Variants in ACOT11 observed in about 807,000 individuals in gnomAD.
ACOT11 encodes the protein acyl-CoA thioesterase 11, also known as acyl-coenzyme A thioesterase 11.
Under a neutral mutation model 77.5 loss-of-function variants are expected in ACOT11, and 69 were observed. That is an observed-to-expected ratio of 0.89 (90% CI 0.73 to 1.09). The LOEUF is 1.09. ACOT11 is among the 50% of genes least tolerant of loss of function. The probability of loss-of-function intolerance (pLI) is 0.00; values close to 1 mark genes in which losing one functional copy is unlikely to be tolerated. For missense variants in ACOT11, 766 were observed against 813.7 expected, an observed-to-expected ratio of 0.94 and a Z score of 0.71; for synonymous variants, 279 against 313.0, an observed-to-expected ratio of 0.89 and a Z score of 1.15.
intron 1 of ACOT11, among the ~76,000 whole-genome samples, chr1:54,577,225 C>T (rs1654146496): frequency 6.6e-6 from 1 of 152,084 alleles, no homozygotes; most frequent in African/African-American, 2.4e-5. Flanking sequence ...GTTGTACAAC[C>T]ACCACCTCTG....
At chr1:54,624,193 C>A (rs1644257576) in intron 15 of ACOT11, among the ~76,000 whole-genome samples, 1 of 152,004 alleles carries the variant, frequency 6.6e-6, no homozygotes, top group Admixed American at 6.6e-5. Flanking sequence ...CCAGGAATCA[C>A]CTGTAATGTG....
intron 1 of ACOT11, among the ~76,000 whole-genome samples, chr1:54,571,621 T>C (rs1653932437): frequency 6.6e-6 from 1 of 152,196 alleles, no homozygotes; most frequent in African/African-American, 2.4e-5. Context: ...CTGCAACACC[T>C]GCAGTGTAAG....
chr1:54,610,338 G>C, downstream of ACOT11: 3 of 1,567,532 alleles, frequency 1.9e-6, no homozygotes, highest in Non-Finnish European at 2.6e-6. Flanking sequence ...AACAGAGACC[G>C]GCGGTACCTG....
At chr1:54,581,951 G>A (rs942588000) in intron 1 of ACOT11, among the ~76,000 whole-genome samples, 1 of 152,148 alleles carries the variant, frequency 6.6e-6, no homozygotes, top group Admixed American at 6.5e-5. Context: ...GGAAGGAGTG[G>A]AGTCTGAAAG....
chr1:54,618,034 C>T lies in ACOT11; in HGVS notation c.1629+9966C>T, dbSNP rs560203082. Among the ~76,000 whole-genome samples the T allele has an allele frequency of 2.0e-5, 3 of 151,740 alleles. No homozygotes were observed. The South Asian group carries it at 6.3e-4, about 32-fold the overall frequency. The stretch of plus-strand genomic sequence containing the variant: ...GAGCCACCAGGCCTGGCCCGAGATT[C>T]TGCATTTTTAACACACTCCCCAGGG... On this transcript the variant is annotated intron_variant, in intron 15 of 16. Transcript: ENST00000371316.
At chr1:54,558,000 C>CT (rs1200611236) in intron 1 of ACOT11, among the ~76,000 whole-genome samples, 1 of 152,184 alleles carries the variant, frequency 6.6e-6, no homozygotes, top group Non-Finnish European at 1.5e-5. Context: ...GTGGAGGACT[C>CT]TTTTTCATCT....
At chr1:54,573,918 A>T (rs952433391) in intron 1 of ACOT11, among the ~76,000 whole-genome samples, 3 of 151,566 alleles carry the variant, frequency 2.0e-5, no homozygotes, top group African/African-American at 7.3e-5. Flanking sequence ...AATCCCAGCT[A>T]CTCAGGAGGC....
intron 15 of ACOT11, chr1:54,623,699 C>G (rs185346464): frequency 8.1e-5 from 21 of 258,764 alleles, no homozygotes; most frequent in Admixed American, 9.9e-5. Context: ...GACCGAGCCC[C>G]GACCCCTGGC....
intron 1 of ACOT11, among the ~76,000 whole-genome samples, chr1:54,566,454 C>CAAA (rs34312735): frequency 2.1e-5 from 2 of 94,664 alleles, no homozygotes; most frequent in Non-Finnish European, 2.7e-5. Flanking sequence ...AAGACTGTCT[C>CAAA]AAAAAAAAAA....
intron 1 of ACOT11, among the ~76,000 whole-genome samples, chr1:54,554,347 ATATATT>A (rs1653182820): frequency 3.0e-5 from 3 of 98,384 alleles, no homozygotes; most frequent in Non-Finnish European, 6.6e-5. Context: ...ATATATATAT[ATATATT>A]TTTTTTTTTT....
At chr1:54,555,208 C>T (rs1177286957) in intron 1 of ACOT11, among the ~76,000 whole-genome samples, 1 of 152,240 alleles carries the variant, frequency 6.6e-6, no homozygotes, top group African/African-American at 2.4e-5. Context: ...ATCCACCTGC[C>T]TTGGCCTCCC....
In ACOT11 at chr1:54,602,721, A is replaced by G. The variant is rs1643979054; in HGVS notation, c.1082A>G (p.Asp361Gly). ...EASARKKIRLDRKYIVSCKQT... is the reference protein window; with the variant it reads ...EASARKKIRLGRKYIVSCKQT... ...AGTGCCAGAAAGAAGATCCGCCTGG[A>G]CAGGTGAGTAGGGGCTGAGTGGTGG... The change falls in exon 10 of 16, where the codon GAC becomes GGC. Residue 361 changes from aspartate to glycine, a missense_variant. Transcript: ENST00000343744. 2 of 1,548,722 alleles carry G rather than the reference A, an allele frequency of 1.3e-6. No homozygotes were observed. Among genetic ancestry groups the G allele is most frequent in the Non-Finnish European group, 1.7e-6 (2 of 1,148,102 alleles).
intron 15 of ACOT11, among the ~76,000 whole-genome samples, chr1:54,630,447 G>A (rs76461171): frequency 6.6e-6 from 1 of 152,216 alleles, no homozygotes; most frequent in African/African-American, 2.4e-5. Flanking sequence ...GGCCCGCCCA[G>A]GGTGGAAAAC....
In ACOT11 at chr1:54,609,060, A is replaced by G. The variant is rs1412724923; in HGVS notation, c.1733A>G (p.Gln578Arg). 1 of 1,614,130 alleles carries G rather than the reference A, an allele frequency of 6.2e-7. No homozygotes were observed. The change falls in exon 16 of 16, where the codon CAG becomes CGG. Residue 578 changes from glutamine (Q) to arginine (R), a missense_variant. Gln to Arg is a conservative substitution (Grantham distance 43). Transcript: ENST00000343744. ...TACACCACCTTCAAGGCTTGTGAGC[A>G]GTTTCTCTTGGACAACCGGAATGAT... is the stretch of plus-strand genomic sequence containing the variant. ...EFYTTFKACE[Q>R]FLLDNRNDLA...
At chr1:54,603,603 G>T (rs879797513) in intron 10 of ACOT11, among the ~76,000 whole-genome samples, 5 of 152,150 alleles carry the variant, frequency 3.3e-5, no homozygotes, top group African/African-American at 4.8e-5. Context: ...CACTCAGCAG[G>T]GGTATGGGGT....
Position 54,605,101 on chromosome 1 carries a change from ACAAGTTCCTCTCCTTC to A in ACOT11, c.1265_1280del (p.Lys422ThrfsTer35). 3 of 1,613,912 alleles carry A rather than the reference ACAAGTTCCTCTCCTTC, an allele frequency of 1.9e-6. No individual in the cohort carries two copies. On this transcript the variant is annotated frameshift_variant, in exon 13 of 16. Transcript: ENST00000343744. LOFTEE classifies it high-confidence loss of function. ...GTCCGCCTGTACACTCTGGAGGATG[ACAAGTTCCTCTCCTTC>A]CACATGGAGATGGTGGTGCATGTGG...
chr1:54,601,262 C>G lies in ACOT11; in HGVS notation c.885-7C>G, dbSNP rs1365740507. The G allele has an allele frequency of 1.9e-6, 3 of 1,608,704 alleles. No homozygotes were observed. In the African/African-American group the frequency reaches 4.0e-5, roughly 21 times the overall value. On this transcript the variant is annotated splice_region_variant and splice_polypyrimidine_tract_variant and intron_variant, in intron 8 of 15. Transcript: ENST00000343744. ...TCCAGGTTGGAAGCCACACTCCCTC[C>G]CCTCAGCATGGAGGTGGGCGTGTGC...
intron 1 of ACOT11, among the ~76,000 whole-genome samples, chr1:54,553,731 C>T (rs1653153231): frequency 6.6e-6 from 1 of 152,064 alleles, no homozygotes; most frequent in Non-Finnish European, 1.5e-5. Context: ...AATTATGCAT[C>T]CTCTGACTAA....
At chr1:54,615,877 A>T (rs1644167539) in intron 15 of ACOT11, 1 of 811,316 alleles carries the variant, frequency 1.2e-6, no homozygotes, top group Non-Finnish European at 2.0e-6. Context: ...GAGCCTGGGC[A>T]TCTATAACAT....
Sources: gnomAD v4.1 joint callset for allele counts (sites outside exome capture counted in the v4.1 genomes callset) on GRCh38, gnomAD v4.1.1 for gene constraint, MANE v1.5 for transcripts, NCBI Gene and HGNC (gene_info 2026-07-23, HGNC 2026-07-21) for gene names.